Variants in NKAIN2 observed in about 807,000 individuals in gnomAD.
The protein encoded by NKAIN2 is sodium/potassium transporting ATPase interacting 2.
Under a neutral mutation model 32.6 loss-of-function variants are expected in NKAIN2, and 14 were observed. That is an observed-to-expected ratio of 0.43 (90% CI 0.28 to 0.67). The LOEUF is 0.67. NKAIN2 is among the 30% of genes least tolerant of loss of function. The pLI is 0.17. For missense variants in NKAIN2, 198 were observed against 258.3 expected, an observed-to-expected ratio of 0.77 and a Z score of 1.60; for synonymous variants, 80 against 87.2, an observed-to-expected ratio of 0.92 and a Z score of 0.46.
intron 3 of NKAIN2, among the ~76,000 whole-genome samples, chr6:124,567,585 A>G (rs1198461348): frequency 6.6e-6 from 1 of 152,176 alleles, no homozygotes; most frequent in Non-Finnish European, 1.5e-5. Context: ...AATTAACCAT[A>G]GTGAGATACA....
rs948724751 is a variant in NKAIN2, at chr6:124,622,646, A to G, written c.274-35540A>G. Reference sequence around the variant, plus strand: ...TTCGGGCTTAAAGGATGAATGCGAGATATTATTGAGTAGTAGAGGTGGCTC... The same window carrying G: ...TTCGGGCTTAAAGGATGAATGCGAGGTATTATTGAGTAGTAGAGGTGGCTC... On this transcript the variant is annotated intron_variant, in intron 3 of 6. Transcript: ENST00000368417. Among the ~76,000 whole-genome samples the G allele has an allele frequency of 5.3e-5, 8 of 152,228 alleles. 3 individuals carry two copies. The highest frequency in any genetic ancestry group is 2.0e-4 in the Admixed American group (3 of 15,294).
chr6:124,587,364 C>T (rs1332775941), intron 3 of NKAIN2, among the ~76,000 whole-genome samples: 7 of 151,796 alleles, frequency 4.6e-5, no homozygotes, highest in South Asian at 2.1e-4. Flanking sequence ...GAATTACAGG[C>T]GCATGCCACC....
chr6:124,261,586 C>A lies in NKAIN2; in HGVS notation c.55-21419C>A, dbSNP rs189335321. On this transcript the variant is annotated intron_variant, in intron 1 of 6. Transcript: ENST00000368417. The stretch of plus-strand genomic sequence containing the variant: ...GGTTTAAATGGCAATTTGAGGCCAG[C>A]ATGGTACATGACGCCCGTAATCCTA... 1.2e-4 allele frequency among the ~76,000 whole-genome samples: 18 copies of A among 152,242 alleles called. No homozygotes were observed. The East Asian group carries it at 3.5e-3, about 30-fold the overall frequency.
intron 1 of NKAIN2, among the ~76,000 whole-genome samples, chr6:124,279,787 T>A (rs2114910901): frequency 6.6e-6 from 1 of 152,220 alleles, no homozygotes; most frequent in East Asian, 1.9e-4. Context: ...ATTGATCGAA[T>A]ACTCAATCTA....
chr6:123,988,246 T>C, intron 1 of NKAIN2, among the ~76,000 whole-genome samples: 1 of 152,204 alleles, frequency 6.6e-6, no homozygotes, highest in East Asian at 1.9e-4. Flanking sequence ...ATTTTCTCCC[T>C]TTTTTATTCT....
At chr6:124,768,041 A>G (rs996025878) in intron 4 of NKAIN2, among the ~76,000 whole-genome samples, 1 of 152,202 alleles carries the variant, frequency 6.6e-6, no homozygotes, top group Non-Finnish European at 1.5e-5. Flanking sequence ...TAATTTAATC[A>G]CATTAAATTA....
intron 1 of NKAIN2, among the ~76,000 whole-genome samples, chr6:124,233,725 A>G (rs928446325): frequency 2.0e-5 from 3 of 152,134 alleles, no homozygotes; most frequent in African/African-American, 7.2e-5. Flanking sequence ...TGTGATGTCT[A>G]CTAGGGACAT....
intron 5 of NKAIN2, among the ~76,000 whole-genome samples, chr6:124,791,777 C>G (rs962878781): frequency 1.3e-5 from 2 of 151,932 alleles, no homozygotes; most frequent in Non-Finnish European, 2.9e-5. Context: ...CCAGTTTTAC[C>G]CAAGACTACA....
chr6:124,157,668 T>G (rs1788060368), intron 1 of NKAIN2, among the ~76,000 whole-genome samples: 1 of 152,204 alleles, frequency 6.6e-6, no homozygotes, highest in Admixed American at 6.5e-5. Flanking sequence ...TTTTTAAACT[T>G]TCCCATTAAG....
intron 3 of NKAIN2, among the ~76,000 whole-genome samples, chr6:124,459,904 A>G (rs1328744977): frequency 2.6e-5 from 4 of 151,772 alleles, no homozygotes; most frequent in Non-Finnish European, 5.9e-5. Context: ...ATTAGTGACC[A>G]TTTATTTTAC....
In NKAIN2 at chr6:124,398,223, A is replaced by G. The variant is rs907930610; in HGVS notation, c.273+42876A>G. ...AGCCGAGATCGCGCCACTGCACTCC[A>G]GCCTGGGTGACAGAGAGAGACTGCA... On this transcript the variant is annotated intron_variant, in intron 3 of 6. Coordinates refer to ENST00000368417, the MANE Select transcript of NKAIN2 (RefSeq NM_001040214.3). Among the ~76,000 whole-genome samples, 11 of 117,894 alleles carry G rather than the reference A, an allele frequency of 9.3e-5. No homozygotes were observed. The East Asian group carries it at 2.6e-3, about 28-fold the overall frequency. The allele number at this position is 117,894 out of a possible 152,430, so 77.3% of individuals were successfully genotyped here.
At chr6:124,013,825 G>T (rs1267500874) in intron 1 of NKAIN2, among the ~76,000 whole-genome samples, 1 of 152,168 alleles carries the variant, frequency 6.6e-6, no homozygotes, top group Non-Finnish European at 1.5e-5. Context: ...GAGAGATGTG[G>T]CCTTTCTGGC....
chr6:124,156,555 T>C (rs1194287510), intron 1 of NKAIN2, among the ~76,000 whole-genome samples: 1 of 152,088 alleles, frequency 6.6e-6, no homozygotes, highest in Non-Finnish European at 1.5e-5. Flanking sequence ...AAGTTCAGTG[T>C]ATCTGAAACA....
chr6:124,433,325 C>A (rs1002450722), intron 3 of NKAIN2, among the ~76,000 whole-genome samples: 1 of 152,136 alleles, frequency 6.6e-6, no homozygotes, highest in Non-Finnish European at 1.5e-5. Context: ...GTCTTTCAAA[C>A]GGGGGAGAAT....
chr6:124,721,403 C>CAA (rs11330814), intron 4 of NKAIN2, among the ~76,000 whole-genome samples: 1,796 of 101,726 alleles, frequency 0.018, 16 homozygotes, highest in Middle Eastern at 0.049. Flanking sequence ...GACTCCGTCT[C>CAA]AAAAAAAAAA....
intron 1 of NKAIN2, among the ~76,000 whole-genome samples, chr6:123,898,558 T>G (rs1050731508): frequency 6.6e-6 from 1 of 151,856 alleles, no homozygotes; most frequent in Non-Finnish European, 1.5e-5. Context: ...GGTGTTTTTT[T>G]TTTTTTTTTT....
chr6:124,099,986 T>C (rs1784807317), intron 1 of NKAIN2, among the ~76,000 whole-genome samples: 1 of 152,234 alleles, frequency 6.6e-6, no homozygotes, highest in Non-Finnish European at 1.5e-5. Flanking sequence ...AGGATACTGG[T>C]TGTCTTCTAA....
At chr6:124,331,537 A>G (rs1328852220) in intron 2 of NKAIN2, among the ~76,000 whole-genome samples, 1 of 151,156 alleles carries the variant, frequency 6.6e-6, no homozygotes, top group East Asian at 1.9e-4. Context: ...TCAAAAAAAA[A>G]AAAAAAAAAA....
chr6:124,705,672 C>A (rs964274839), intron 4 of NKAIN2, among the ~76,000 whole-genome samples: 1 of 152,018 alleles, frequency 6.6e-6, no homozygotes, highest in Non-Finnish European at 1.5e-5. Flanking sequence ...TTTTCAAAAT[C>A]TATAAAAACA....
Sources: allele counts gnomAD v4.1 joint callset (sites outside exome capture counted in the v4.1 genomes callset), GRCh38; gene constraint gnomAD v4.1.1; transcripts MANE v1.5; gene names NCBI Gene and HGNC (gene_info 2026-07-23, HGNC 2026-07-21).